The following MATN2 variants were observed in gnomAD, a reference collection of about 807,000 sequenced individuals.
The protein encoded by MATN2 is matrilin 2, also known as matrilin-2.
Under a neutral mutation model 103.2 loss-of-function variants are expected in MATN2, and 69 were observed. The ratio of observed to expected loss-of-function variants is 0.67; its 90% CI spans 0.55 to 0.82. MATN2 has a LOEUF of 0.82. Among genes scored for constraint, MATN2 ranks in the 40% least tolerant of loss-of-function variants. MATN2 has a pLI of 0.00. For synonymous variants in MATN2, 429 were observed against 450.2 expected (o/e 0.95, Z 0.60); for missense variants, 1,023 against 1,211.5 (o/e 0.84, Z 2.31).
At chr8:97,959,120 C>T (rs1033194455) in intron 4 of MATN2, among the ~76,000 whole-genome samples, 1 of 152,180 alleles carries the variant, frequency 6.6e-6, no homozygotes, top group African/African-American at 2.4e-5. Context: ...TGTCCTACCT[C>T]GCATGTTAGT....
intron 7 of MATN2, among the ~76,000 whole-genome samples, chr8:97,995,447 AT>A (rs1003691418): frequency 6.6e-6 from 1 of 151,742 alleles, no homozygotes; most frequent in Non-Finnish European, 1.5e-5. Context: ...CAAGTTGTGA[AT>A]TTTTTTTCAG....
intron 7 of MATN2, among the ~76,000 whole-genome samples, chr8:97,996,037 G>T (rs1057102647): frequency 8.5e-5 from 13 of 152,212 alleles, no homozygotes; most frequent in African/African-American, 2.9e-4. Flanking sequence ...GGGACTGGCT[G>T]CACCCAGGGG....
At chr8:97,986,421 A>G (rs957411974) in intron 6 of MATN2, among the ~76,000 whole-genome samples, 1 of 152,208 alleles carries the variant, frequency 6.6e-6, no homozygotes, top group South Asian at 2.1e-4. Context: ...ATAGTACCCA[A>G]TGTGTAGTCT....
At chr8:98,015,591 G>A (rs946617167) in intron 10 of MATN2, among the ~76,000 whole-genome samples, 2 of 152,250 alleles carry the variant, frequency 1.3e-5, no homozygotes, top group African/African-American at 4.8e-5. Context: ...CTGTCTTTCT[G>A]CAGGGCTCTG....
intron 6 of MATN2, 108 bp from the exon 7 acceptor site, chr8:97,994,372 G>T: frequency 8.4e-7 from 1 of 1,183,486 alleles, no homozygotes; most frequent in South Asian, 1.5e-5. Context: ...GACTCTTTGA[G>T]GTGTGGGATT....
At chr8:97,936,946 T>TC (rs770456074) in intron 3 of MATN2, among the ~76,000 whole-genome samples, 10 of 152,192 alleles carry the variant, frequency 6.6e-5, no homozygotes, top group Non-Finnish European at 1.3e-4. Flanking sequence ...TCCATTTTTT[T>TC]CTAAAAGGAG....
At position 98,021,220 on chromosome 8, in the gene MATN2, A is replaced by T; in HGVS notation, c.1835A>T (p.Lys612Ile). The change falls in exon 13 of 19, where the codon AAA becomes ATA. Residue 612 changes from lysine (K) to isoleucine (I), a missense_variant. Lys to Ile is a moderately radical substitution (Grantham distance 102). Coordinates refer to ENST00000254898, the MANE Select transcript of MATN2 (RefSeq NM_002380.5). ...TTTTCCTCAGGGAAGGATGTCTGCA[A>T]ATCAACCCACCATGGCTGCGAACAC... The part of the protein sequence containing the change: ...GKRCRRKDVC[K>I]STHHGCEHIC... The T allele has an allele frequency of 6.2e-7, 1 of 1,613,574 alleles. No homozygotes were observed.
In MATN2 at chr8:98,033,608, A is replaced by G. The variant is rs1279713634; in HGVS notation, c.2764A>G (p.Ile922Val). 8.7e-6 allele frequency: 14 copies of G among 1,607,320 alleles called. No homozygotes were observed. Among genetic ancestry groups the G allele is most frequent in the African/African-American group, 1.3e-5 (1 of 74,802 alleles). Residue 922 changes from isoleucine (I) to valine (V), a missense_variant, in exon 18 of 19, where the codon ATA (isoleucine) becomes GTA (valine). Coordinates refer to ENST00000254898, the MANE Select transcript of MATN2 (RefSeq NM_002380.5). ...KHDQCKCENL[I>V]MFQNLANEEV... ...CGATCAATGCAAATGTGAAAACCTT[A>G]TAATGTTCCAGAACCTTGCAAACGA...
chr8:97,940,633 G>T (rs1027339504), intron 3 of MATN2, among the ~76,000 whole-genome samples: 10 of 152,166 alleles, frequency 6.6e-5, no homozygotes, highest in Non-Finnish European at 1.2e-4. Context: ...GCTTTTGAGA[G>T]CTCCTTTTAT....
At chr8:97,916,779 C>T (rs1809646029) in intron 2 of MATN2, among the ~76,000 whole-genome samples, 2 of 152,144 alleles carry the variant, frequency 1.3e-5, no homozygotes, top group Non-Finnish European at 1.5e-5. Flanking sequence ...ACTTTTTCCT[C>T]CAGGACTAAA....
At chr8:97,928,218 CTTTTTTTTTT>C (rs34226792) in intron 2 of MATN2, among the ~76,000 whole-genome samples, 4 of 89,300 alleles carry the variant, frequency 4.5e-5, no homozygotes, top group African/African-American at 1.4e-4. Flanking sequence ...GCACTCCTGC[CTTTTTTTTTT>C]TTTTTTTTTT....
intron 5 of MATN2, among the ~76,000 whole-genome samples, chr8:97,963,795 A>G (rs1811394170): frequency 6.6e-6 from 1 of 152,078 alleles, no homozygotes. Flanking sequence ...CTTTTCCCCA[A>G]TGCCCTTTAC....
rs1813006634 is a variant in MATN2, at chr8:98,007,292, C to T, written c.1450+65C>T. The T allele has an allele frequency of 1.9e-6, 3 of 1,605,082 alleles. No individual in the cohort carries two copies. The Admixed American group carries it at 5.0e-5, about 27-fold the overall frequency. On this transcript the variant is annotated intron_variant, in intron 9 of 18. Coordinates refer to ENST00000254898, the MANE Select transcript of MATN2 (RefSeq NM_002380.5). The surrounding 1 kb of genome is among the most constrained non-coding windows in gnomAD (Gnocchi z 4.2). ...ACCAGGAGTGAAACCTATGTGACTG[C>T]AGAGGGCACAGGTTGTACTTGGGCA... is the stretch of plus-strand genomic sequence containing the variant.
In MATN2 at chr8:98,027,716, A is replaced by G. The variant is rs775736392; in HGVS notation, c.2243A>G (p.Gln748Arg). 2.5e-6 allele frequency: 4 copies of G among 1,613,994 alleles called. No individual in the cohort carries two copies. Among genetic ancestry groups the G allele is most frequent in the Middle Eastern group, 1.6e-4 (1 of 6,062 alleles). ...LKHMFERSFT[Q>R]GEGARPLSTR... is the part of the protein sequence containing the mutation. ...CACATGTTTGAGAGAAGTTTTACCC[A>G]AGGAGAAGGGGCCAGGCCCCTTTCC... The change falls in exon 14 of 19, where the codon CAA (glutamine) becomes CGA (arginine). Residue 748 changes from glutamine (Q) to arginine (R), a missense_variant. Physicochemically the swap from Gln to Arg is conservative, Grantham distance 43 (BLOSUM62 1). Coordinates refer to ENST00000254898, the MANE Select transcript of MATN2 (RefSeq NM_002380.5).
chr8:98,003,513 C>T (rs12680911), intron 7 of MATN2, 148 bp from the exon 8 acceptor site: 85,495 of 783,584 alleles, frequency 0.11, 5,520 homozygotes, highest in Admixed American at 0.21. Context: ...GGCTGGCAGA[C>T]AAACGAATGA....
chr8:97,890,363 GC>G (rs1208457455), intron 2 of MATN2, among the ~76,000 whole-genome samples: 1 of 152,040 alleles, frequency 6.6e-6, no homozygotes. Flanking sequence ...TACTCGGGAG[GC>G]TGAGGCAGGA....
chr8:97,987,068 C>T (rs1586125969), intron 6 of MATN2, among the ~76,000 whole-genome samples: 3 of 151,872 alleles, frequency 2.0e-5, no homozygotes, highest in Admixed American at 2.0e-4. Context: ...GTCTCGAACT[C>T]CTGAACTTGT....
At chr8:98,006,616 T>C (rs1812979065) in intron 8 of MATN2, among the ~76,000 whole-genome samples, 1 of 152,216 alleles carries the variant, frequency 6.6e-6, no homozygotes, top group South Asian at 2.1e-4. Flanking sequence ...GATCTTGACC[T>C]TCCTGAGCCT....
intron 1 of MATN2, among the ~76,000 whole-genome samples, chr8:97,879,538 A>T (rs1438220808): frequency 6.6e-6 from 1 of 152,196 alleles, no homozygotes; most frequent in Non-Finnish European, 1.5e-5. Flanking sequence ...TGGGTAGAAC[A>T]TTCGCTGCAG....
Sources: allele counts gnomAD v4.1 joint callset (sites outside exome capture counted in the v4.1 genomes callset), GRCh38; gene constraint gnomAD v4.1.1; non-coding constraint Gnocchi (gnomAD v3.1); transcripts MANE v1.5; gene names NCBI Gene and HGNC (gene_info 2026-07-23, HGNC 2026-07-21).